Variants in DHX29 observed in about 807,000 individuals in gnomAD.
DHX29 encodes DExH-box helicase 29, also known as ATP-dependent RNA helicase DHX29.
DHX29 carries 79 observed loss-of-function variants against 167.9 expected under a neutral mutation model. The observed-to-expected ratio is 0.47, with a 90% CI of 0.39 to 0.57. The LOEUF is 0.57. Ranked by LOEUF, DHX29 falls within the 20% of genes least tolerant of loss-of-function variation. The pLI, the probability that DHX29 is intolerant of heterozygous loss-of-function variation, is 0.00. For synonymous variants in DHX29, 530 were observed against 546.0 expected (o/e 0.97, Z 0.41); for missense variants, 1,347 against 1,593.4 (o/e 0.85, Z 2.63).
chr5:55,287,502 A>T (rs1231166345), intron 8 of DHX29, among the ~76,000 whole-genome samples: 1 of 152,204 alleles, frequency 6.6e-6, no homozygotes, highest in Non-Finnish European at 1.5e-5. Flanking sequence ...TAAAAAACTG[A>T]CAATTTAGTG....
Position 55,262,788 on chromosome 5 carries a change from G to A in DHX29, c.3670C>T (p.Leu1224=). The A allele has an allele frequency of 1.2e-6, 2 of 1,614,070 alleles. No homozygotes were observed. The highest frequency in any genetic ancestry group is 2.2e-5 in the South Asian group (2 of 91,080). The part of the protein sequence containing the change: ...ALLKAVLVAG[L]YDNVGKIIYT... The stretch of plus-strand genomic sequence containing the variant: ...ATTATCTTCCCCACATTGTCATACA[G>A]TCCAGCCACCAGTACAGCTTTAAGA... Residue 1224 remains leucine (L), a synonymous_variant, in exon 24 of 27, where the codon CTG becomes TTG. Coordinates refer to ENST00000251636, the MANE Select transcript of DHX29 (RefSeq NM_019030.4).
At chr5:55,301,253 T>C (rs1193866006) in intron 1 of DHX29, among the ~76,000 whole-genome samples, 3 of 152,344 alleles carry the variant, frequency 2.0e-5, no homozygotes, top group African/African-American at 7.2e-5. Context: ...ACACATCATG[T>C]AGCCAACTGG....
At chr5:55,267,641 C>G in intron 22 of DHX29, 45 bp downstream of exon 22, 1 of 1,535,008 alleles carries the variant, frequency 6.5e-7, no homozygotes, top group Non-Finnish European at 8.8e-7. Context: ...AAGTAAATAA[C>G]CTCAGGTAAT....
Position 55,262,725 on chromosome 5 carries a change from A to C in DHX29, c.3733T>G (p.Cys1245Gly). The C allele has an allele frequency of 1.2e-6, 2 of 1,614,096 alleles. No homozygotes were observed. Among genetic ancestry groups the C allele is most frequent in the Non-Finnish European group, 1.7e-6 (2 of 1,179,986 alleles). Residue 1245 changes from cysteine to glycine, a missense_variant, in exon 24 of 27, where the codon TGC (cysteine) becomes GGC (glycine). Physicochemically the swap from Cys to Gly is radical, Grantham distance 159. This residue lies in a region of DHX29 where 882 missense variants were observed against 1,082.4 expected (regional missense o/e 0.81). Coordinates refer to ENST00000251636, the MANE Select transcript of DHX29 (RefSeq NM_019030.4). ...KSVDVTEKLA[C>G]IVETAQGKAQ... ...TTGCCTTGGGCCGTCTCCACAATGC[A>C]AGCCAATTTTTCTGTAACATCCACT...
chr5:55,265,670 T>TAAAAAAAAAAAAAA (rs11362570), intron 23 of DHX29, among the ~76,000 whole-genome samples: 1 of 143,482 alleles, frequency 7.0e-6, no homozygotes, highest in African/African-American at 2.5e-5. Context: ...GAACTAGCTG[T>TAAAAAAAAAAAAAA]AAAAAAAAAA....
chr5:55,259,060 G>A (rs1746184062), intron 26 of DHX29, among the ~76,000 whole-genome samples: 1 of 151,904 alleles, frequency 6.6e-6, no homozygotes, highest in Non-Finnish European at 1.5e-5. Flanking sequence ...TGTCTAGGCT[G>A]GACTTTAACT....
chr5:55,261,451 AAGGGGTTATT>A lies in DHX29; in HGVS notation c.3867_3876del (p.Ile1290PhefsTer10). On this transcript the variant is annotated frameshift_variant, in exon 25 of 27. Coordinates refer to ENST00000251636, the MANE Select transcript of DHX29 (RefSeq NM_019030.4). LOFTEE classifies it high-confidence loss of function. Reference sequence around the variant, plus strand: ...TCACCACCAAAAAGTAAAACTGGAAAAGGGGTTATTAGGGTAGTTTCTCTCAAATACACTC... The same window carrying A: ...TCACCACCAAAAAGTAAAACTGGAAAAGGGTAGTTTCTCTCAAATACACTC... 1 of 1,573,574 alleles carries A rather than the reference AAGGGGTTATT, an allele frequency of 6.4e-7. No individual in the cohort carries two copies. The highest frequency in any genetic ancestry group is 8.7e-7 in the Non-Finnish European group (1 of 1,143,534).
chr5:55,263,349 C>T (rs946142727), intron 23 of DHX29, among the ~76,000 whole-genome samples: 1 of 152,158 alleles, frequency 6.6e-6, no homozygotes, highest in Admixed American at 6.5e-5. Context: ...CTGGAAATCT[C>T]ATCTTAATTT....
intron 7 of DHX29, 73 bp downstream of exon 7, chr5:55,290,145 A>C: frequency 2.0e-6 from 3 of 1,507,154 alleles, no homozygotes; most frequent in Non-Finnish European, 2.7e-6. Context: ...AAAAGGAAGC[A>C]TCATCCATCC....
chr5:55,294,189 A>C (rs1748191559), intron 5 of DHX29, 44 bp from the exon 6 acceptor site: 5 of 1,530,852 alleles, frequency 3.3e-6, no homozygotes, highest in Non-Finnish European at 4.4e-6. Context: ...AGTTAGAAAA[A>C]GGTGTCAAAA....
rs188836505 is a variant in DHX29 at position 55,289,194 on chromosome 5, C to T, written c.1066+76G>A. On this transcript the variant is annotated intron_variant, in intron 8 of 26. Transcript: ENST00000251636. ...CGTACTTTGCCAGAATGCAAAGTAA[C>T]GAATTTTACCATTATATATTTCTTG... is the stretch of plus-strand genomic sequence containing the variant. 225 of 1,407,900 alleles carry T rather than the reference C, an allele frequency of 1.6e-4. 1 individual carries two copies. The Middle Eastern group carries it at 2.1e-3, about 13-fold the overall frequency. 87.2% of individuals were successfully genotyped at this position (1,407,900 alleles called of 1,614,324 possible).
intron 4 of DHX29, 79 bp downstream of exon 4, chr5:55,296,141 A>G (rs1054236192): frequency 1.4e-6 from 2 of 1,422,806 alleles, no homozygotes; most frequent in Non-Finnish European, 1.9e-6. Flanking sequence ...AAATATGAGT[A>G]TGAGCCAAAA....
intron 12 of DHX29, among the ~76,000 whole-genome samples, chr5:55,278,588 T>C (rs1448206734): frequency 6.6e-6 from 1 of 152,230 alleles, no homozygotes; most frequent in Non-Finnish European, 1.5e-5. Context: ...CTTTGAGTTT[T>C]CAGTGCAGTA....
At chr5:55,291,741 TAGGAACC>T (rs1398531840) in intron 6 of DHX29, among the ~76,000 whole-genome samples, 7 of 152,220 alleles carry the variant, frequency 4.6e-5, no homozygotes, top group African/African-American at 1.7e-4. Context: ...GAATTTGACT[TAGGAACC>T]TCATATAAGT....
rs752667084 is a variant in DHX29 at position 55,261,551 on chromosome 5, G to C, written c.3829-52C>G. On this transcript the variant is annotated intron_variant, in intron 24 of 26. Coordinates refer to ENST00000251636, the MANE Select transcript of DHX29 (RefSeq NM_019030.4). ...ACTTCAAAATATAAAAATAGAAGGA[G>C]GTCATTTATCTTTTTCAAGTAAGCA... The C allele has an allele frequency of 7.9e-5, 91 of 1,147,160 alleles. No homozygotes were observed. The African/African-American group carries it at 1.3e-3, about 16-fold the overall frequency. The allele number at this position is 1,147,160 out of a possible 1,614,324, so 71.1% of individuals were successfully genotyped here. A position where few individuals can be genotyped will look rare whatever the true frequency, so the allele number is the denominator to read the frequency against.
intron 1 of DHX29, 64 bp downstream of exon 1, chr5:55,307,323 C>T: frequency 6.9e-7 from 1 of 1,449,444 alleles, no homozygotes; most frequent in South Asian, 1.2e-5. Context: ...TTCTAAGGCC[C>T]TTTCCTCAGG....
At chr5:55,297,468 T>C in intron 2 of DHX29, 70 bp from the exon 3 acceptor site, 1 of 711,216 alleles carries the variant, frequency 1.4e-6, no homozygotes, top group Non-Finnish European at 2.4e-6. Flanking sequence ...AATCATACAG[T>C]TTTCTATATT....
At chr5:55,257,044 C>T (rs1746089045) in intron 26 of DHX29, among the ~76,000 whole-genome samples, 1 of 152,060 alleles carries the variant, frequency 6.6e-6, no homozygotes, top group Non-Finnish European at 1.5e-5. Flanking sequence ...AACAGGGAAG[C>T]GCTCTTGGAG....
Position 55,275,026 on chromosome 5 carries a change from C to T in DHX29, c.2428-16G>A. On this transcript the variant is annotated splice_polypyrimidine_tract_variant and intron_variant, in intron 14 of 26. Coordinates refer to ENST00000251636, the MANE Select transcript of DHX29 (RefSeq NM_019030.4). Reference sequence around the variant, plus strand: ...GGATGTATTCCTAAAAGAAATCCAACCAGAGGGAGGTGAATAAAAATATTA... The same window carrying T: ...GGATGTATTCCTAAAAGAAATCCAATCAGAGGGAGGTGAATAAAAATATTA... The T allele has an allele frequency of 6.2e-7, 1 of 1,605,056 alleles. No individual in the cohort carries two copies. Among genetic ancestry groups the T allele is most frequent in the Non-Finnish European group, 8.5e-7 (1 of 1,177,954 alleles).
Sources: allele counts gnomAD v4.1 joint callset (sites outside exome capture counted in the v4.1 genomes callset), GRCh38; gene constraint gnomAD v4.1.1; regional missense constraint gnomAD v4.1.1; transcripts MANE v1.5; gene names NCBI Gene and HGNC (gene_info 2026-07-23, HGNC 2026-07-21).